Variants in AGPAT5 observed in about 807,000 individuals in gnomAD.
AGPAT5 encodes the protein 1-acylglycerol-3-phosphate O-acyltransferase 5, also known as 1-acyl-sn-glycerol-3-phosphate acyltransferase epsilon.
Under a neutral mutation model 45.6 loss-of-function variants are expected in AGPAT5, and 46 were observed. That is an observed-to-expected ratio of 1.01 (90% CI 0.80 to 1.29). The LOEUF is 1.29. AGPAT5 is among the 50% of genes most tolerant of loss of function. The probability of loss-of-function intolerance (pLI) is 0.00; values close to 1 mark genes in which losing one functional copy is unlikely to be tolerated. For synonymous variants in AGPAT5, 272 were observed against 167.0 expected (o/e 1.63, Z -4.85); for missense variants, 673 against 450.7 (o/e 1.49, Z -4.47).
At chr8:6,718,448 G>A (rs1195278231) in intron 1 of AGPAT5, among the ~76,000 whole-genome samples, 2 of 152,194 alleles carry the variant, frequency 1.3e-5, no homozygotes, top group African/African-American at 2.4e-5. Context: ...TACAACGTAC[G>A]AGCACCAGAG....
intron 4 of AGPAT5, among the ~76,000 whole-genome samples, chr8:6,735,239 G>C (rs1287568865): frequency 6.6e-6 from 1 of 152,158 alleles, no homozygotes; most frequent in Non-Finnish European, 1.5e-5. Flanking sequence ...CTGTTCATCA[G>C]TTTCAGGCTG....
At chr8:6,744,972 C>G (rs962878973) in intron 5 of AGPAT5, among the ~76,000 whole-genome samples, 1 of 152,222 alleles carries the variant, frequency 6.6e-6, no homozygotes, top group South Asian at 2.1e-4. Flanking sequence ...TCAGCCGAGC[C>G]AAGTCTGTGT....
chr8:6,729,470 C>A (rs921664175), intron 2 of AGPAT5, among the ~76,000 whole-genome samples: 1 of 151,110 alleles, frequency 6.6e-6, no homozygotes, highest in Non-Finnish European at 1.5e-5. Flanking sequence ...TTTCGAGTAT[C>A]GTTGAGCTCA....
rs1800836807 is a variant in AGPAT5 at position 6,730,782 on chromosome 8, GAA to G, written c.362_363del (p.Glu121GlyfsTer27). Reference sequence around the variant, plus strand: ...AGGACATGTGCGCTACGTGCTGAAAGAAGGGTTAAAATGGCTGCCATTGTATG... The same window carrying G: ...AGGACATGTGCGCTACGTGCTGAAAGGGGTTAAAATGGCTGCCATTGTATG... ...ALGHVRYVLK[E>X]GLKWLPLYGC... On this transcript the variant is annotated frameshift_variant, in exon 3 of 8. Coordinates refer to ENST00000285518, the MANE Select transcript of AGPAT5 (RefSeq NM_018361.5). LOFTEE classifies it high-confidence loss of function. 1.9e-6 allele frequency: 3 copies of G among 1,613,498 alleles called. No homozygotes were observed. The highest frequency in any genetic ancestry group is 2.5e-6 in the Non-Finnish European group (3 of 1,179,604).
At chr8:6,738,666 A>G (rs965734507) in intron 4 of AGPAT5, 2 of 152,224 alleles carry the variant, frequency 1.3e-5, no homozygotes, top group African/African-American at 2.4e-5. Context: ...GCGAAGCATG[A>G]TAAAATGAGA....
chr8:6,721,380 T>G (rs189256004), intron 1 of AGPAT5, among the ~76,000 whole-genome samples: 138 of 152,344 alleles, frequency 9.1e-4, no homozygotes, highest in African/African-American at 3.2e-3. Flanking sequence ...GCTAGCTCTT[T>G]CTCTTATCCA....
At chr8:6,710,929 G>C (rs1413608096) in intron 1 of AGPAT5, among the ~76,000 whole-genome samples, 1 of 151,918 alleles carries the variant, frequency 6.6e-6, no homozygotes, top group African/African-American at 2.4e-5. Flanking sequence ...TTCTTGAATT[G>C]TTTTTATCAG....
At chr8:6,756,768 A>C (rs1394179531) in intron 7 of AGPAT5, among the ~76,000 whole-genome samples, 1 of 152,134 alleles carries the variant, frequency 6.6e-6, no homozygotes, top group Non-Finnish European at 1.5e-5. Context: ...ACCGCTGTCT[A>C]AGAACCGCTG....
At chr8:6,722,381 A>G in intron 1 of AGPAT5, among the ~76,000 whole-genome samples, 1 of 152,206 alleles carries the variant, frequency 6.6e-6, no homozygotes, top group East Asian at 1.9e-4. Context: ...CATCATCTAT[A>G]CTTAACAACA....
At chr8:6,733,490 A>G (rs193182877) in intron 4 of AGPAT5, among the ~76,000 whole-genome samples, 16 of 152,290 alleles carry the variant, frequency 1.1e-4, no homozygotes, top group South Asian at 1.0e-3. Flanking sequence ...ACATTAGAAC[A>G]TTGCATCTGT....
intron 7 of AGPAT5, among the ~76,000 whole-genome samples, chr8:6,755,722 T>C (rs1037395525): frequency 8.5e-5 from 13 of 152,244 alleles, no homozygotes; most frequent in Admixed American, 4.6e-4. Context: ...ATATGTACTT[T>C]CTGCTCAAGA....
intron 4 of AGPAT5, among the ~76,000 whole-genome samples, chr8:6,734,172 C>G (rs555882606): frequency 2.3e-4 from 35 of 151,976 alleles, no homozygotes; most frequent in African/African-American, 8.2e-4. Flanking sequence ...TTATTCCTAC[C>G]CCAGTCTTTC....
intron 2 of AGPAT5, among the ~76,000 whole-genome samples, chr8:6,727,715 C>A (rs577610778): frequency 6.6e-6 from 1 of 152,302 alleles, no homozygotes; most frequent in East Asian, 1.9e-4. Flanking sequence ...GAAATGTTCT[C>A]TTTTCTTGGC....
Position 6,757,156 on chromosome 8 carries a change from G to A in AGPAT5, c.870-7G>A. ...TAAAATCTAAACTTTTTCCATTCTG[G>A]CCATAGGATGCTTATAGAATTTTAT... is the stretch of plus-strand genomic sequence containing the variant. On this transcript the variant is annotated splice_region_variant and splice_polypyrimidine_tract_variant and intron_variant, in intron 7 of 7. Transcript: ENST00000285518. 1.2e-6 allele frequency: 2 copies of A among 1,608,272 alleles called. No individual in the cohort carries two copies. Among genetic ancestry groups the A allele is most frequent in the Non-Finnish European group, 1.7e-6 (2 of 1,176,262 alleles).
chr8:6,732,842 A>G (rs1020422082), intron 4 of AGPAT5, among the ~76,000 whole-genome samples, 192 bp downstream of exon 4: 1 of 152,222 alleles, frequency 6.6e-6, no homozygotes, highest in African/African-American at 2.4e-5. Flanking sequence ...AGATTGCTGT[A>G]AACAACTAGG....
At chr8:6,721,319 T>C (rs1245122502) in intron 1 of AGPAT5, among the ~76,000 whole-genome samples, 1 of 152,236 alleles carries the variant, frequency 6.6e-6, no homozygotes, top group Non-Finnish European at 1.5e-5. Context: ...GAAATTGAAA[T>C]TCTTTATAGC....
rs1400197502 is a variant in AGPAT5 at position 6,758,483 on chromosome 8, C to T, written c.*1095C>T. 1 of 152,712 alleles carries T rather than the reference C, an allele frequency of 6.5e-6. No homozygotes were observed. Among genetic ancestry groups the T allele is most frequent in the East Asian group, 1.9e-4 (1 of 5,188 alleles). 9.5% of individuals were successfully genotyped at this position (152,712 alleles called of 1,614,324 possible). ...TGCTAGGAAGAAATGCAGAGCCAGC[C>T]TGTGCTGCCCACTTTCAGAGTTGAA... is the stretch of plus-strand genomic sequence containing the variant. On this transcript the variant is annotated 3_prime_UTR_variant, in exon 8 of 8. Coordinates refer to ENST00000285518, the MANE Select transcript of AGPAT5 (RefSeq NM_018361.5).
chr8:6,751,292 TAAG>T (rs1403970416), intron 6 of AGPAT5, among the ~76,000 whole-genome samples: 2 of 152,224 alleles, frequency 1.3e-5, no homozygotes, highest in Non-Finnish European at 2.9e-5. Context: ...ATGATGCAAT[TAAG>T]AAATAATTTT....
intron 3 of AGPAT5, among the ~76,000 whole-genome samples, chr8:6,731,968 C>T (rs1326995172): frequency 2.0e-5 from 3 of 152,206 alleles, no homozygotes; most frequent in Non-Finnish European, 4.4e-5. Context: ...CACTGGATGA[C>T]TAATCCTTCT....
Sources: gnomAD v4.1 joint callset for allele counts (sites outside exome capture counted in the v4.1 genomes callset) on GRCh38, gnomAD v4.1.1 for gene constraint, MANE v1.5 for transcripts, NCBI Gene and HGNC (gene_info 2026-07-23, HGNC 2026-07-21) for gene names.